PNPLA7: variants seen among roughly 807,000 people sequenced by gnomAD.
The protein encoded by PNPLA7 is patatin like domain 7, lysophospholipase, also known as patatin-like phospholipase domain-containing protein 7.
PNPLA7 carries 153 observed loss-of-function variants against 161.7 expected under a neutral mutation model. The observed-to-expected ratio is 0.95, with a 90% CI of 0.83 to 1.08. The LOEUF is 1.08. PNPLA7 is among the 50% of genes least tolerant of loss of function. The pLI is 0.00. For missense variants in PNPLA7, 1,739 were observed against 1,856.6 expected (o/e 0.94, Z 1.16); for synonymous variants, 809 against 782.1 (o/e 1.03, Z -0.57).
chr9:137,548,333 G>C (rs1026952997), intron 1 of PNPLA7, among the ~76,000 whole-genome samples: 10 of 152,334 alleles, frequency 6.6e-5, no homozygotes, highest in Middle Eastern at 3.4e-3. Context: ...CAGGCAGCCA[G>C]GAACCGGATA....
At chr9:137,530,684 T>C (rs1011615000) in intron 8 of PNPLA7, among the ~76,000 whole-genome samples, 2 of 152,242 alleles carry the variant, frequency 1.3e-5, no homozygotes, top group African/African-American at 2.4e-5. Context: ...AGCAGAACTG[T>C]AACTCTCCCA....
At chr9:137,505,850 G>A (rs572801530) in intron 13 of PNPLA7, 90 bp from the exon 14 acceptor site, 210 of 1,557,478 alleles carry the variant, frequency 1.3e-4, no homozygotes, top group Middle Eastern at 1.2e-3. Flanking sequence ...CGCACAGTGC[G>A]GAAAGGCCGG....
intron 33 of PNPLA7, 68 bp downstream of exon 33, chr9:137,461,468 G>T (rs1831193026): frequency 2.0e-6 from 3 of 1,479,522 alleles, no homozygotes; most frequent in East Asian, 4.8e-5. Context: ...GGGTGGGGGG[G>T]TTCAAGCCCA....
At chr9:137,470,376 C>T (rs2132095083) in intron 25 of PNPLA7, among the ~76,000 whole-genome samples, 2 of 152,190 alleles carry the variant, frequency 1.3e-5, no homozygotes, top group South Asian at 4.2e-4. Context: ...ATAAAATTCA[C>T]CAGTGAAACC....
intron 8 of PNPLA7, among the ~76,000 whole-genome samples, chr9:137,528,637 T>G (rs572304127): frequency 1.8e-4 from 27 of 151,952 alleles, no homozygotes; most frequent in Non-Finnish European, 3.2e-4. Context: ...ACATCGACTT[T>G]GTCTGATACT....
At chr9:137,463,736 G>C (rs78679347) in intron 28 of PNPLA7, among the ~76,000 whole-genome samples, 2,398 of 152,154 alleles carry the variant, frequency 0.016, 63 homozygotes, top group African/African-American at 0.054. Context: ...CCAGGACTTC[G>C]AACTGCTGTG....
At chr9:137,511,189 GGCACCC>G (rs1834211279) in intron 12 of PNPLA7, among the ~76,000 whole-genome samples, 1 of 152,132 alleles carries the variant, frequency 6.6e-6, no homozygotes, top group Non-Finnish European at 1.5e-5. Context: ...CGCCTGGGAA[GGCACCC>G]GTTACTTAGT....
At chr9:137,477,929 C>T (rs1345313853) in intron 25 of PNPLA7, 105 bp downstream of exon 25, 50 of 959,718 alleles carry the variant, frequency 5.2e-5, no homozygotes, top group East Asian at 9.9e-5. Context: ...GTCTCGTCTG[C>T]GGGTGACACC....
chr9:137,502,560 G>GAGGCCGCATCGCCCCAGGGCGCGTTGTC (rs1833502159), intron 14 of PNPLA7, among the ~76,000 whole-genome samples: 1 of 145,252 alleles, frequency 6.9e-6, no homozygotes, highest in Admixed American at 7.0e-5. Context: ...CGCTGACGGA[G>GAGGCCGCATCGCCCCAGGGCGCGTTGTC]AGGCCGCATC....
At chr9:137,503,737 GA>G (rs1833663645) in intron 14 of PNPLA7, among the ~76,000 whole-genome samples, 1 of 140,744 alleles carries the variant, frequency 7.1e-6, no homozygotes, top group Non-Finnish European at 1.5e-5. Flanking sequence ...AGGGGAAGGG[GA>G]AGGAAGAAGA....
rs78320974 is a variant in PNPLA7, at chr9:137,460,052, A to C, written c.*341T>G. ...GTTCACAGGACAGCAGGCAGTTCAC[A>C]GGGCTTTGGGGGCCTCACAGGGCAG... On this transcript the variant is annotated 3_prime_UTR_variant, in exon 35 of 35. Coordinates refer to ENST00000406427, the MANE Select transcript of PNPLA7 (RefSeq NM_001098537.3). The C allele has an allele frequency of 6.5e-3, 1,808 of 277,740 alleles. 31 individuals carry two copies. Among genetic ancestry groups the C allele is most frequent in the African/African-American group, 0.037 (1,672 of 45,716 alleles). The allele number at this position is 277,740 out of a possible 1,614,324, so 17.2% of individuals were successfully genotyped here.
In PNPLA7 at chr9:137,541,290, C is replaced by T. The variant is rs1029576066; in HGVS notation, c.667-568G>A. 21 of 329,148 alleles carry T rather than the reference C, an allele frequency of 6.4e-5. No homozygotes were observed. Among genetic ancestry groups the T allele is most frequent in the African/African-American group, 2.9e-4 (13 of 44,680 alleles). The allele number at this position is 329,148 out of a possible 1,614,324, so 20.4% of individuals were successfully genotyped here. Reference sequence around the variant, plus strand: ...GTCCTTCAGGAGGGCCCCGCACGAGCGGCAACGAAAGCCGCTGCTTCACCA... The same window carrying T: ...GTCCTTCAGGAGGGCCCCGCACGAGTGGCAACGAAAGCCGCTGCTTCACCA... On this transcript the variant is annotated intron_variant, in intron 7 of 34. Transcript: ENST00000406427. The surrounding 1 kb of genome is among the most constrained non-coding windows in gnomAD (Gnocchi z 4.4).
intron 23 of PNPLA7, 55 bp downstream of exon 23, chr9:137,480,257 A>C (rs1025222956): frequency 9.0e-6 from 14 of 1,553,280 alleles, no homozygotes; most frequent in Non-Finnish European, 1.1e-5. Context: ...AAAGAGAAAC[A>C]GGAGGTTCTG....
chr9:137,547,920 C>T lies in PNPLA7; in HGVS notation c.31-261G>A, dbSNP rs1836629346. ...GCCCCAGGCATCACTAACACACCCA[C>T]ATGCTGGTGATGCAATCCTTGGGAT... On this transcript the variant is annotated intron_variant, in intron 1 of 34. Transcript: ENST00000406427. The surrounding 1 kb of genome is among the most constrained non-coding windows in gnomAD (Gnocchi z 4.6). Among the ~76,000 whole-genome samples the T allele has an allele frequency of 6.6e-6, 1 of 152,198 alleles. No homozygotes were observed. Among genetic ancestry groups the T allele is most frequent in the Admixed American group, 6.5e-5 (1 of 15,286 alleles).
rs1342996722 is a variant in PNPLA7 at position 137,550,212 on chromosome 9, A to T, written c.-15T>A. 6.2e-7 allele frequency: 1 copy of T among 1,613,100 alleles called. No individual in the cohort carries two copies. The highest frequency in any genetic ancestry group is 8.5e-7 in the Non-Finnish European group (1 of 1,179,852). ...TCTTCCTCCATGGCCAGAAACAGAA[A>T]AAACAGTCAGGGGCGAAAAGCAGAC... On this transcript the variant is annotated 5_prime_UTR_variant, in exon 1 of 35. Coordinates refer to ENST00000406427, the MANE Select transcript of PNPLA7 (RefSeq NM_001098537.3).
chr9:137,464,215 A>T lies in PNPLA7; in HGVS notation c.3157-20T>A. 6.2e-7 allele frequency: 1 copy of T among 1,613,466 alleles called. No homozygotes were observed. The stretch of plus-strand genomic sequence containing the variant: ...CAGGTCCTGCGGGCGGACGGGGCTC[A>T]GATGGGCCCTCTCCCATCACGCTCC... On this transcript the variant is annotated intron_variant, in intron 27 of 34. Transcript: ENST00000406427.
rs1588554300 is a variant in PNPLA7 at position 137,476,452 on chromosome 9, G to T, written c.2882+1582C>A. On this transcript the variant is annotated intron_variant, in intron 25 of 34. Transcript: ENST00000406427. This position sits in a 1 kb window ranked among gnomAD's most constrained non-coding sequence, Gnocchi z 4.5. ...TGCATAGATGAGTGATTAATCAATA[G>T]TTAGCAGACTCTGATTGCGGGTGTT... is the stretch of plus-strand genomic sequence containing the variant. Among the ~76,000 whole-genome samples, 1 of 152,092 alleles carries T rather than the reference G, an allele frequency of 6.6e-6. No individual in the cohort carries two copies. The highest frequency in any genetic ancestry group is 2.4e-5 in the African/African-American group (1 of 41,368).
In PNPLA7 at chr9:137,495,161, C is replaced by T. The variant is rs13283256; in HGVS notation, c.2014-15G>A. The T allele has an allele frequency of 0.099, 155,807 of 1,577,368 alleles. 8,276 individuals are homozygous for T. The highest frequency in any genetic ancestry group is 0.13 in the Middle Eastern group (765 of 5,970). On this transcript the variant is annotated splice_polypyrimidine_tract_variant and intron_variant, in intron 18 of 34. Coordinates refer to ENST00000406427, the MANE Select transcript of PNPLA7 (RefSeq NM_001098537.3). Reference sequence around the variant, plus strand: ...AGTGTCTCCACCTGAGGACAGGAGCCGGCTGCTGGGGCCGCGGGCTTGGGA... The same window carrying T: ...AGTGTCTCCACCTGAGGACAGGAGCTGGCTGCTGGGGCCGCGGGCTTGGGA...
At chr9:137,481,354 G>A (rs1157381899) in intron 21 of PNPLA7, among the ~76,000 whole-genome samples, 1 of 152,238 alleles carries the variant, frequency 6.6e-6, no homozygotes, top group Admixed American at 6.5e-5. Flanking sequence ...CCTGCCACGT[G>A]TGCAGGGCAG....
Sources: gnomAD v4.1 joint callset for allele counts (sites outside exome capture counted in the v4.1 genomes callset) on GRCh38, gnomAD v4.1.1 for gene constraint, Gnocchi (gnomAD v3.1) non-coding constraint, MANE v1.5 for transcripts, NCBI Gene and HGNC (gene_info 2026-07-23, HGNC 2026-07-21) for gene names.